Variants in MYT1L observed in about 807,000 individuals in gnomAD.
MYT1L encodes myelin transcription factor 1-like protein.
Under a neutral mutation model 126.7 loss-of-function variants are expected in MYT1L, and 12 were observed. The ratio of observed to expected loss-of-function variants is 0.09; its 90% CI spans 0.06 to 0.15. The LOEUF is 0.15. MYT1L is among the 10% of genes least tolerant of loss of function. The probability of loss-of-function intolerance (pLI) is 1.00; values close to 1 mark genes in which losing one functional copy is unlikely to be tolerated. For missense variants in MYT1L, 979 were observed against 1,585.2 expected, an observed-to-expected ratio of 0.62 and a Z score of 6.49; for synonymous variants, 541 against 604.2, an observed-to-expected ratio of 0.90 and a Z score of 1.53.
intron 3 of MYT1L, among the ~76,000 whole-genome samples, chr2:2,103,161 T>C (rs1245449148): frequency 1.3e-5 from 2 of 152,122 alleles, no homozygotes; most frequent in Non-Finnish European, 2.9e-5. Flanking sequence ...AAGAAATCTC[T>C]GCACGTGGGT....
chr2:1,816,653 A>G (rs968954728), intron 21 of MYT1L: 1 of 152,792 alleles, frequency 6.5e-6, no homozygotes, highest in Admixed American at 6.5e-5. Context: ...GAGGATGGAC[A>G]TGGTGCACGT....
intron 3 of MYT1L, among the ~76,000 whole-genome samples, chr2:2,071,441 G>C (rs867612214): frequency 6.6e-6 from 1 of 152,178 alleles, no homozygotes; most frequent in Non-Finnish European, 1.5e-5. Context: ...TTACTGTCTG[G>C]GGTGTGATAT....
At chr2:2,308,024 C>T (rs2095883889) in intron 1 of MYT1L, among the ~76,000 whole-genome samples, 1 of 151,348 alleles carries the variant, frequency 6.6e-6, no homozygotes, top group African/African-American at 2.4e-5. Context: ...ACTACCTATG[C>T]TCCACCTATG....
At position 1,793,695 on chromosome 2, in the gene MYT1L, AG is replaced by A. The variant is rs1183453584; in HGVS notation, c.3277-1232del. Among the ~76,000 whole-genome samples, 1 of 152,178 alleles carries A rather than the reference AG, an allele frequency of 6.6e-6. No homozygotes were observed. Among genetic ancestry groups the A allele is most frequent in the African/African-American group, 2.4e-5 (1 of 41,450 alleles). ...CGGCCTTCTCCTTGGAAGGAATCGC[AG>A]CCCCCACCATTCCTGCAGGGACGGT... On this transcript the variant is annotated intron_variant, in intron 23 of 24. Coordinates refer to ENST00000647738, the MANE Select transcript of MYT1L (RefSeq NM_001303052.2). This position sits in a 1 kb window ranked among gnomAD's most constrained non-coding sequence, Gnocchi z 4.6.
intron 11 of MYT1L, among the ~76,000 whole-genome samples, chr2:1,916,020 C>T (rs2052770971): frequency 6.6e-6 from 1 of 152,150 alleles, no homozygotes; most frequent in Non-Finnish European, 1.5e-5. Flanking sequence ...ATGCTGTCTT[C>T]CTGCTCATGT....
chr2:2,323,363 T>C (rs1469116498), intron 1 of MYT1L, among the ~76,000 whole-genome samples: 1 of 152,168 alleles, frequency 6.6e-6, no homozygotes, highest in Non-Finnish European at 1.5e-5. Context: ...TCAAGTGATC[T>C]AAAATATTCA....
intron 2 of MYT1L, among the ~76,000 whole-genome samples, chr2:2,279,168 C>T (rs2095410447): frequency 6.6e-6 from 1 of 152,156 alleles, no homozygotes; most frequent in African/African-American, 2.4e-5. Context: ...AGTGTCTTAA[C>T]AGTTGTGATG....
chr2:1,959,219 C>A (rs2058759350), intron 8 of MYT1L, among the ~76,000 whole-genome samples: 1 of 152,238 alleles, frequency 6.6e-6, no homozygotes, highest in Non-Finnish European at 1.5e-5. Context: ...CCATGCGGAT[C>A]TGCTCTTTCC....
intron 4 of MYT1L, among the ~76,000 whole-genome samples, chr2:2,050,724 G>A (rs2068731036): frequency 6.6e-6 from 1 of 152,186 alleles, no homozygotes; most frequent in East Asian, 1.9e-4. Context: ...AGCACTGCAG[G>A]GGAGGGAAGA....
At chr2:1,995,876 G>A (rs1045715479) in intron 5 of MYT1L, among the ~76,000 whole-genome samples, 1 of 152,210 alleles carries the variant, frequency 6.6e-6, no homozygotes, top group Non-Finnish European at 1.5e-5. Context: ...AGGGGACAGA[G>A]GCAAGTGAAG....
intron 2 of MYT1L, among the ~76,000 whole-genome samples, chr2:2,264,956 AC>A (rs1285979592): frequency 6.6e-6 from 1 of 152,166 alleles, no homozygotes; most frequent in Non-Finnish European, 1.5e-5. Context: ...AGGCAGCGAG[AC>A]TTGGGTTCAA....
At chr2:2,110,526 G>A (rs999263103) in intron 3 of MYT1L, among the ~76,000 whole-genome samples, 3 of 151,586 alleles carry the variant, frequency 2.0e-5, no homozygotes, top group Non-Finnish European at 4.4e-5. Context: ...TATTAGCTTT[G>A]CCTGTCCCTG....
At chr2:2,079,554 C>A (rs1019336002) in intron 3 of MYT1L, among the ~76,000 whole-genome samples, 11 of 152,134 alleles carry the variant, frequency 7.2e-5, no homozygotes, top group Admixed American at 6.5e-5. Context: ...GCCTGTAATC[C>A]CAGCACTGTG....
chr2:2,075,826 G>A (rs2075155927), intron 3 of MYT1L, among the ~76,000 whole-genome samples: 1 of 152,202 alleles, frequency 6.6e-6, no homozygotes. Flanking sequence ...AAGAGAAACT[G>A]GAAAGTACTG....
intron 3 of MYT1L, among the ~76,000 whole-genome samples, chr2:2,058,575 G>C (rs1456101250): frequency 6.6e-6 from 1 of 152,148 alleles, no homozygotes; most frequent in Non-Finnish European, 1.5e-5. Flanking sequence ...CAAGAGTCTA[G>C]AATTGTGCCT....
chr2:2,209,257 A>G (rs1184468051), intron 2 of MYT1L, among the ~76,000 whole-genome samples: 3 of 152,284 alleles, frequency 2.0e-5, no homozygotes, highest in East Asian at 3.9e-4. Context: ...AAAAAATCCA[A>G]TCATACTCTT....
chr2:2,281,981 G>A (rs921530048), intron 2 of MYT1L, among the ~76,000 whole-genome samples: 2 of 152,140 alleles, frequency 1.3e-5, no homozygotes, highest in African/African-American at 2.4e-5. Flanking sequence ...TTAGTATAAC[G>A]AACACAATCC....
intron 3 of MYT1L, among the ~76,000 whole-genome samples, chr2:2,126,781 A>T (rs1459760206): frequency 6.6e-6 from 1 of 152,178 alleles, no homozygotes; most frequent in Non-Finnish European, 1.5e-5. Context: ...TTTTATCACC[A>T]GTTCCTGTTT....
chr2:2,179,913 T>A (rs897312633), intron 2 of MYT1L, among the ~76,000 whole-genome samples: 1 of 152,194 alleles, frequency 6.6e-6, no homozygotes, highest in Non-Finnish European at 1.5e-5. Flanking sequence ...TCCCATCATT[T>A]CTCTACTCAA....
Sources: gnomAD v4.1 joint callset for allele counts (sites outside exome capture counted in the v4.1 genomes callset) on GRCh38, gnomAD v4.1.1 for gene constraint, Gnocchi (gnomAD v3.1) non-coding constraint, MANE v1.5 for transcripts, NCBI Gene and HGNC (gene_info 2026-07-23, HGNC 2026-07-21) for gene names.